RAPGEF6: variants seen among roughly 807,000 people sequenced by gnomAD.
The protein encoded by RAPGEF6 is PDZ domain containing guanine nucleotide exchange factor (GEF) 2.
RAPGEF6 carries 56 observed loss-of-function variants against 171.4 expected under a neutral mutation model. That is an observed-to-expected ratio of 0.33 (90% confidence interval 0.26 to 0.41). The LOEUF (loss-of-function observed/expected upper bound fraction) is 0.41, where lower values mean the gene tolerates loss of function less well. Among genes scored for constraint, RAPGEF6 ranks in the 10% least tolerant of loss-of-function variants. The probability of loss-of-function intolerance (pLI) is 1.00; values close to 1 mark genes in which losing one functional copy is unlikely to be tolerated. For synonymous variants in RAPGEF6, 692 were observed against 650.1 expected, an observed-to-expected ratio of 1.06 and a Z score of -0.98; for missense variants, 1,674 against 1,921.4, an observed-to-expected ratio of 0.87 and a Z score of 2.41.
intron 5 of RAPGEF6, among the ~76,000 whole-genome samples, chr5:131,559,780 C>T (rs770966506): frequency 6.0e-5 from 9 of 149,306 alleles, no homozygotes; most frequent in African/African-American, 9.9e-5. Context: ...TCCAAGGCTG[C>T]GCTGAGCTAT....
At chr5:131,477,002 A>G (rs1050925801) in intron 16 of RAPGEF6, among the ~76,000 whole-genome samples, 1 of 152,314 alleles carries the variant, frequency 6.6e-6, no homozygotes, top group East Asian at 1.9e-4. Flanking sequence ...TCCTGGATCA[A>G]TATCAATATA....
intron 16 of RAPGEF6, 76 bp from the exon 17 acceptor site, chr5:131,472,820 C>A: frequency 7.7e-7 from 1 of 1,298,798 alleles, no homozygotes; most frequent in Non-Finnish European, 1.1e-6. Context: ...TCCCTGTGCA[C>A]TAAGGCATAA....
intron 1 of RAPGEF6, among the ~76,000 whole-genome samples, chr5:131,622,083 C>CA (rs1415737138): frequency 1.3e-5 from 2 of 152,032 alleles, no homozygotes; most frequent in Non-Finnish European, 2.9e-5. Flanking sequence ...CAATCTCCCT[C>CA]AAAAAAATTA....
rs148984110 is a variant in RAPGEF6, at chr5:131,633,075, T to C, written c.69+1887A>G. 1.6e-3 allele frequency among the ~76,000 whole-genome samples: 242 copies of C among 152,318 alleles called. No homozygotes were observed. In the East Asian group the frequency reaches 0.023, roughly 14 times the overall value. On this transcript the variant is annotated intron_variant, in intron 1 of 27. Coordinates refer to ENST00000509018, the MANE Select transcript of RAPGEF6 (RefSeq NM_016340.6). Reference sequence around the variant, plus strand: ...TTCAGCCAGGCGCGGGGCTCACACCTATAATCCCAGCACTTTGGGAGGCCG... The same window carrying C: ...TTCAGCCAGGCGCGGGGCTCACACCCATAATCCCAGCACTTTGGGAGGCCG...
chr5:131,587,319 C>T (rs767361012), intron 4 of RAPGEF6, among the ~76,000 whole-genome samples: 6 of 152,108 alleles, frequency 3.9e-5, no homozygotes, highest in Non-Finnish European at 7.3e-5. Context: ...TTATAATAAC[C>T]CTCAACTAAG....
intron 27 of RAPGEF6, 99 bp downstream of exon 27, chr5:131,428,803 A>T: frequency 1.6e-6 from 2 of 1,284,634 alleles, no homozygotes; most frequent in Non-Finnish European, 2.2e-6. Context: ...CAAGGCATTT[A>T]AAGAAACAAT....
At chr5:131,565,981 A>G (rs1268514780) in intron 4 of RAPGEF6, among the ~76,000 whole-genome samples, 3 of 152,074 alleles carry the variant, frequency 2.0e-5, no homozygotes, top group Non-Finnish European at 4.4e-5. Flanking sequence ...CCTCGTCTCT[A>G]CAAAAAAACA....
chr5:131,460,006 G>A (rs188503046), intron 19 of RAPGEF6, among the ~76,000 whole-genome samples: 14 of 152,208 alleles, frequency 9.2e-5, no homozygotes, highest in Admixed American at 5.9e-4. Context: ...CATCTCTGCT[G>A]AAAAGAGTAT....
intron 6 of RAPGEF6, among the ~76,000 whole-genome samples, chr5:131,521,891 A>ACACTCT (rs1250904540): frequency 3.4e-4 from 42 of 123,640 alleles, no homozygotes; most frequent in African/African-American, 1.2e-3. Flanking sequence ...ACACACACAC[A>ACACTCT]CTCTCTCTCT....
intron 1 of RAPGEF6, among the ~76,000 whole-genome samples, chr5:131,608,780 T>TTC (rs1435381802): frequency 6.6e-6 from 1 of 151,826 alleles, no homozygotes; most frequent in Non-Finnish European, 1.5e-5. Context: ...CTTCCTTGGT[T>TTC]TCTCTCTCTT....
At chr5:131,430,033 C>T (rs1486868344) in intron 26 of RAPGEF6, among the ~76,000 whole-genome samples, 1 of 138,198 alleles carries the variant, frequency 7.2e-6, no homozygotes, top group Admixed American at 7.4e-5. Context: ...CTGGGCAATA[C>T]AGCAAGAGTC....
chr5:131,565,172 T>C (rs971661249), intron 4 of RAPGEF6, among the ~76,000 whole-genome samples: 8 of 152,172 alleles, frequency 5.3e-5, no homozygotes, highest in African/African-American at 1.9e-4. Flanking sequence ...TTCAGAAATA[T>C]ATTAATTTAG....
intron 1 of RAPGEF6, among the ~76,000 whole-genome samples, chr5:131,612,201 A>AT (rs35306366): frequency 0.55 from 45,573 of 83,372 alleles, 13,138 homozygotes; most frequent in Non-Finnish European, 0.68. Context: ...TGCTCAGCTA[A>AT]TTTTTTTTTT....
intron 3 of RAPGEF6, among the ~76,000 whole-genome samples, chr5:131,597,883 T>A (rs1014817410): frequency 6.6e-6 from 1 of 152,150 alleles, no homozygotes; most frequent in Non-Finnish European, 1.5e-5. Flanking sequence ...CACCAAAAAA[T>A]GATTAAATGT....
chr5:131,433,893 A>G (rs1248540424), intron 24 of RAPGEF6, among the ~76,000 whole-genome samples: 1 of 152,222 alleles, frequency 6.6e-6, no homozygotes, highest in Non-Finnish European at 1.5e-5. Context: ...CAAGAAAAAG[A>G]CAGTCAAAGT....
intron 22 of RAPGEF6, among the ~76,000 whole-genome samples, chr5:131,445,584 C>A (rs192531441): frequency 6.6e-6 from 1 of 151,270 alleles, no homozygotes; most frequent in Non-Finnish European, 1.5e-5. Context: ...TGTGTGTGCG[C>A]GCGTATTTAT....
intron 6 of RAPGEF6, among the ~76,000 whole-genome samples, chr5:131,532,517 AT>A (rs1356952237): frequency 1.3e-5 from 2 of 152,182 alleles, no homozygotes; most frequent in Non-Finnish European, 2.9e-5. Context: ...GTGTTCCTGG[AT>A]TCCGTGAAAC....
intron 6 of RAPGEF6, among the ~76,000 whole-genome samples, chr5:131,541,540 A>G (rs1760146660): frequency 6.7e-6 from 1 of 149,860 alleles, no homozygotes; most frequent in Admixed American, 6.6e-5. Context: ...TTTTTTTTGT[A>G]GAGACAGGGT....
chr5:131,487,854 G>C (rs1439443811), intron 15 of RAPGEF6, among the ~76,000 whole-genome samples: 5 of 152,080 alleles, frequency 3.3e-5, no homozygotes, highest in Non-Finnish European at 5.9e-5. Flanking sequence ...AGAGTTATTA[G>C]GGCTTTATTA....
Sources: allele counts gnomAD v4.1 joint callset (sites outside exome capture counted in the v4.1 genomes callset), GRCh38; gene constraint gnomAD v4.1.1; transcripts MANE v1.5; gene names NCBI Gene and HGNC (gene_info 2026-07-23, HGNC 2026-07-21).